The following TNFRSF10C variants were observed in gnomAD, a reference collection of about 807,000 sequenced individuals.
TNFRSF10C encodes the protein TNF receptor superfamily member 10c, also known as tumor necrosis factor receptor superfamily member 10C.
In TNFRSF10C, 17 loss-of-function variants were observed where a neutral mutation model predicts 16.7. The ratio of observed to expected loss-of-function variants is 1.02; its 90% CI spans 0.70 to 1.53. The LOEUF is 1.53. Ranked by LOEUF, TNFRSF10C falls within the 40% of genes most tolerant of loss-of-function variation. The pLI, the probability that TNFRSF10C is intolerant of heterozygous loss-of-function variation, is 0.00. For missense variants in TNFRSF10C, 237 were observed against 329.7 expected (o/e 0.72, Z 2.18); for synonymous variants, 73 against 119.7 (o/e 0.61, Z 2.55).
intron 1 of TNFRSF10C, among the ~76,000 whole-genome samples, chr8:23,110,069 CAAAAAAAAAA>C (rs56263402): frequency 4.5e-4 from 18 of 39,652 alleles, no homozygotes; most frequent in South Asian, 3.9e-3. Flanking sequence ...ACCCTGTCTC[CAAAAAAAAAA>C]AAAAAAAAAA....
chr8:23,103,783 G>A (rs1305511889), intron 1 of TNFRSF10C, among the ~76,000 whole-genome samples: 3 of 152,156 alleles, frequency 2.0e-5, no homozygotes, highest in South Asian at 4.1e-4. Context: ...CAGCATAAAC[G>A]GTGTAAAGTT....
rs938729513 is a variant in TNFRSF10C at position 23,117,310 on chromosome 8, A to G, written c.*279A>G. 1.0e-4 allele frequency: 54 copies of G among 539,538 alleles called. No homozygotes were observed. The highest frequency in any genetic ancestry group is 7.7e-4 in the African/African-American group (41 of 53,058). The allele number at this position is 539,538 out of a possible 1,614,324, so 33.4% of individuals were successfully genotyped here. ...TCCACACATCTCCCAGCCAAGTCCA[A>G]GAGGGCAGGGCCAGTTCCTCCCATC... On this transcript the variant is annotated 3_prime_UTR_variant, in exon 5 of 5. Coordinates refer to ENST00000356864, the MANE Select transcript of TNFRSF10C (RefSeq NM_003841.5).
At chr8:23,114,537 T>C in intron 2 of TNFRSF10C, 120 bp from the exon 3 acceptor site, 1 of 744,644 alleles carries the variant, frequency 1.3e-6, no homozygotes. Flanking sequence ...AGACCAAGCC[T>C]GGAAGAGTGG....
chr8:23,116,666 A>G lies in TNFRSF10C; in HGVS notation c.415A>G (p.Ser139Gly), dbSNP rs1335646635. The G allele has an allele frequency of 6.8e-6, 11 of 1,614,134 alleles. No homozygotes were observed. Among genetic ancestry groups the G allele is most frequent in the Non-Finnish European group, 9.3e-6 (11 of 1,179,974 alleles). ...GTGCCCTAGTGGGGAAGTCCAAGTC[A>G]GTAATTGTACGTCCTGGGATGATAT... Reference protein sequence around the residue: ...SRCPSGEVQVSNCTSWDDIQC... With the variant: ...SRCPSGEVQVGNCTSWDDIQC... Residue 139 changes from serine to glycine, a missense_variant, in exon 5 of 5, where the codon AGT becomes GGT. Around this residue, in one of 2 missense-constraint regions of TNFRSF10C, gnomAD observed 212 missense variants for 196.8 expected, o/e 1.08. Coordinates refer to ENST00000356864, the MANE Select transcript of TNFRSF10C (RefSeq NM_003841.5).
At chr8:23,108,416 C>T (rs1161148985) in intron 1 of TNFRSF10C, among the ~76,000 whole-genome samples, 1 of 152,162 alleles carries the variant, frequency 6.6e-6, no homozygotes. Flanking sequence ...CGGCTGTAAC[C>T]AGTTATTACT....
At chr8:23,114,345 A>C (rs1813934809) in intron 2 of TNFRSF10C, among the ~76,000 whole-genome samples, 1 of 152,216 alleles carries the variant, frequency 6.6e-6, no homozygotes, top group African/African-American at 2.4e-5. Context: ...TACATGTTGA[A>C]ATGTAGTATT....
intron 1 of TNFRSF10C, among the ~76,000 whole-genome samples, chr8:23,109,770 G>A (rs1585246989): frequency 6.6e-6 from 1 of 151,982 alleles, no homozygotes; most frequent in East Asian, 1.9e-4. Flanking sequence ...ACCACAGAAA[G>A]AACTGAGAAA....
chr8:23,116,939 A>G lies in TNFRSF10C; in HGVS notation c.688A>G (p.Thr230Ala), dbSNP rs1456870761. 1.2e-6 allele frequency: 2 copies of G among 1,611,784 alleles called. No individual in the cohort carries two copies. The highest frequency in any genetic ancestry group is 1.7e-6 in the Non-Finnish European group (2 of 1,178,698). ...CCCAGCTGCTGAAGAGACAATGATC[A>G]CCAGCCCGGGGACTCCTGCCTCTTC... Reference protein sequence around the residue: ...PAPAAEETMITSPGTPASSHY... With the variant: ...PAPAAEETMIASPGTPASSHY... The change falls in exon 5 of 5, where the codon ACC becomes GCC. Residue 230 changes from threonine (T) to alanine (A), a missense_variant. Physicochemically the swap from Thr to Ala is moderately conservative, Grantham distance 58. Coordinates refer to ENST00000356864, the MANE Select transcript of TNFRSF10C (RefSeq NM_003841.5).
intron 1 of TNFRSF10C, among the ~76,000 whole-genome samples, chr8:23,107,975 T>A (rs569734366): frequency 2.0e-5 from 3 of 152,290 alleles, no homozygotes; most frequent in African/African-American, 7.2e-5. Flanking sequence ...GAAGTTGATT[T>A]TGTTAGCGGT....
intron 2 of TNFRSF10C, among the ~76,000 whole-genome samples, chr8:23,112,478 C>A (rs764183733): frequency 6.6e-6 from 1 of 152,224 alleles, no homozygotes; most frequent in South Asian, 2.1e-4. Context: ...CCCATCCCAC[C>A]ATCCAACTCA....
intron 1 of TNFRSF10C, among the ~76,000 whole-genome samples, chr8:23,105,054 A>AG (rs1244630570): frequency 6.6e-6 from 1 of 152,170 alleles, no homozygotes; most frequent in East Asian, 1.9e-4. Context: ...TCTGTGCGCC[A>AG]GGTCCTTCCA....
Position 23,103,039 on chromosome 8 carries a change from A to T in TNFRSF10C, c.-83A>T. ...AAGGAGCGCTTCCTACCGTTAGGGA[A>T]CTCTGGGGACAGAGCGCCCCGGCCG... is the stretch of plus-strand genomic sequence containing the variant. On this transcript the variant is annotated 5_prime_UTR_variant, in exon 1 of 5. Coordinates refer to ENST00000356864, the MANE Select transcript of TNFRSF10C (RefSeq NM_003841.5). 1 of 1,567,298 alleles carries T rather than the reference A, an allele frequency of 6.4e-7. No homozygotes were observed. The highest frequency in any genetic ancestry group is 8.6e-7 in the Non-Finnish European group (1 of 1,156,130).
chr8:23,109,795 G>C (rs1269136970), intron 1 of TNFRSF10C, among the ~76,000 whole-genome samples: 2 of 152,002 alleles, frequency 1.3e-5, no homozygotes, highest in East Asian at 3.8e-4. Flanking sequence ...ACTGTGTGCG[G>C]TGGCTTACGC....
chr8:23,113,079 G>C (rs1409588686), intron 2 of TNFRSF10C, among the ~76,000 whole-genome samples: 2 of 152,046 alleles, frequency 1.3e-5, no homozygotes, highest in Non-Finnish European at 2.9e-5. Flanking sequence ...ATACTTTTTG[G>C]CCACTTCTAT....
chr8:23,116,287 C>T (rs1433640443), intron 4 of TNFRSF10C, among the ~76,000 whole-genome samples: 1 of 152,246 alleles, frequency 6.6e-6, no homozygotes. Flanking sequence ...ATCACTTGTA[C>T]TGTGGGTTGA....
intron 1 of TNFRSF10C, among the ~76,000 whole-genome samples, chr8:23,104,995 T>C (rs1188610597): frequency 6.6e-6 from 1 of 152,164 alleles, no homozygotes; most frequent in Admixed American, 6.5e-5. Context: ...GGAGCTGAGT[T>C]CAGTTCCTGA....
intron 1 of TNFRSF10C, among the ~76,000 whole-genome samples, chr8:23,106,228 A>T (rs568369095): frequency 6.6e-6 from 1 of 152,200 alleles, no homozygotes; most frequent in Non-Finnish European, 1.5e-5. Context: ...TATATAACTA[A>T]TAGGAGGTAG....
chr8:23,107,223 A>G (rs1813795499), intron 1 of TNFRSF10C, among the ~76,000 whole-genome samples: 1 of 152,250 alleles, frequency 6.6e-6, no homozygotes, highest in African/African-American at 2.4e-5. Flanking sequence ...AGAAAAACAC[A>G]GAAAATTATG....
chr8:23,106,809 A>AC (rs959584084), intron 1 of TNFRSF10C, among the ~76,000 whole-genome samples: 5 of 151,916 alleles, frequency 3.3e-5, no homozygotes, highest in African/African-American at 1.2e-4. Context: ...ACACAGTGAA[A>AC]CCCCGTCTCT....
Sources: gnomAD v4.1 joint callset for allele counts (sites outside exome capture counted in the v4.1 genomes callset) on GRCh38, gnomAD v4.1.1 for gene constraint, gnomAD v4.1.1 regional missense constraint, MANE v1.5 for transcripts, NCBI Gene and HGNC (gene_info 2026-07-23, HGNC 2026-07-21) for gene names.